The following MIPOL1 variants were observed in gnomAD, a reference collection of about 807,000 sequenced individuals.
MIPOL1 encodes the protein mirror-image polydactyly 1.
A neutral mutation model predicts 60.9 loss-of-function variants in MIPOL1; 57 were observed. That is an observed-to-expected ratio of 0.94 (90% CI 0.76 to 1.17). The LOEUF (loss-of-function observed/expected upper bound fraction) is 1.17, where lower values mean the gene tolerates loss of function less well. Ranked by LOEUF, MIPOL1 falls within the 50% of genes most tolerant of loss-of-function variation. The probability of loss-of-function intolerance (pLI) is 0.00; values close to 1 mark genes in which losing one functional copy is unlikely to be tolerated. For synonymous variants in MIPOL1, 179 were observed against 168.8 expected (o/e 1.06, Z -0.47); for missense variants, 551 against 511.6 (o/e 1.08, Z -0.74).
At chr14:37,332,073 G>A (rs2089738095) in intron 9 of MIPOL1, among the ~76,000 whole-genome samples, 3 of 152,236 alleles carry the variant, frequency 2.0e-5, no homozygotes, top group South Asian at 2.1e-4. Flanking sequence ...GGGAGGCGGA[G>A]GTTGTAGTGA....
chr14:37,373,836 A>G (rs1473329906), intron 10 of MIPOL1, among the ~76,000 whole-genome samples: 3 of 152,208 alleles, frequency 2.0e-5, no homozygotes, highest in African/African-American at 4.8e-5. Context: ...CAGTTCCACA[A>G]TAAACATAAG....
chr14:37,251,695 C>T lies in MIPOL1; in HGVS notation c.19+3788C>T, dbSNP rs146246094. On this transcript the variant is annotated intron_variant, in intron 3 of 12. Coordinates refer to ENST00000684589, the MANE Select transcript of MIPOL1 (RefSeq NM_001388067.1). The stretch of plus-strand genomic sequence containing the variant: ...TATGTAAGAAAAAAGACATAGAGAT[C>T]GTAAATCTTATATGAATAATTATTT... 5.0e-3 allele frequency among the ~76,000 whole-genome samples: 757 copies of T among 151,846 alleles called. 5 individuals are homozygous for T. Among genetic ancestry groups the T allele is most frequent in the African/African-American group, 0.017 (713 of 41,440 alleles).
chr14:37,483,097 T>G (rs954303484), intron 11 of MIPOL1, among the ~76,000 whole-genome samples: 11 of 149,978 alleles, frequency 7.3e-5, no homozygotes, highest in Admixed American at 5.4e-4. Flanking sequence ...TCTGCACATG[T>G]TCAGTATAGA....
At chr14:37,257,095 TTGTGTGTGTGTGTG>T (rs61079220) in intron 3 of MIPOL1, among the ~76,000 whole-genome samples, 5 of 137,708 alleles carry the variant, frequency 3.6e-5, no homozygotes, top group Non-Finnish European at 6.3e-5. Context: ...TGGTTTTGTT[TTGTGTGTGTGTGTG>T]TGTGTGTGTG....
At chr14:37,480,551 ATG>A (rs2153598211) in intron 11 of MIPOL1, among the ~76,000 whole-genome samples, 1 of 152,182 alleles carries the variant, frequency 6.6e-6, no homozygotes, top group South Asian at 2.1e-4. Flanking sequence ...TATAGAAAGA[ATG>A]TACCTCAATA....
In MIPOL1 at chr14:37,550,924, CTTT is replaced by C; in HGVS notation, c.*3957_*3959del. 6.6e-6 allele frequency: 1 copy of C among 151,886 alleles called. No homozygotes were observed. The highest frequency in any genetic ancestry group is 1.5e-5 in the Non-Finnish European group (1 of 67,928). The allele number at this position is 151,886 out of a possible 1,614,324, so 9.4% of individuals were successfully genotyped here. On this transcript the variant is annotated 3_prime_UTR_variant, in exon 13 of 13. Transcript: ENST00000684589. ...CTGAAATTAGAAAAAGAAAACTTTT[CTTT>C]TTTATTATATATTTTAGTGTAAGTT...
At chr14:37,302,475 G>A (rs552099231) in intron 7 of MIPOL1, among the ~76,000 whole-genome samples, 1 of 151,640 alleles carries the variant, frequency 6.6e-6, no homozygotes, top group Admixed American at 6.6e-5. Flanking sequence ...TTGTTTAAAA[G>A]AGTTGTTTAT....
chr14:37,287,479 C>G (rs910206356), intron 7 of MIPOL1, among the ~76,000 whole-genome samples: 1 of 152,046 alleles, frequency 6.6e-6, no homozygotes, highest in Non-Finnish European at 1.5e-5. Context: ...GTGTCAAACT[C>G]TGGGCCTCAT....
chr14:37,296,007 C>T (rs1346095517), intron 7 of MIPOL1, among the ~76,000 whole-genome samples: 1 of 152,094 alleles, frequency 6.6e-6, no homozygotes, highest in African/African-American at 2.4e-5. Context: ...ATACATTCTT[C>T]TCAGCACCAC....
intron 12 of MIPOL1, among the ~76,000 whole-genome samples, chr14:37,539,597 C>T (rs1289006846): frequency 6.6e-6 from 1 of 152,102 alleles, no homozygotes; most frequent in Non-Finnish European, 1.5e-5. Flanking sequence ...ATTTATTAAC[C>T]TATACAAAGC....
chr14:37,401,396 C>T (rs1428864750), intron 10 of MIPOL1: 1 of 151,992 alleles, frequency 6.6e-6, no homozygotes, highest in East Asian at 1.9e-4. Flanking sequence ...ATAGACATAT[C>T]TAGGCAAAAT....
intron 9 of MIPOL1, among the ~76,000 whole-genome samples, chr14:37,348,886 G>T (rs1595295326): frequency 6.8e-6 from 1 of 148,006 alleles, no homozygotes; most frequent in African/African-American, 2.5e-5. Context: ...GGAGAGCAGT[G>T]GCACGATCTC....
At chr14:37,232,586 A>G (rs1358823664) in intron 1 of MIPOL1, among the ~76,000 whole-genome samples, 1 of 151,946 alleles carries the variant, frequency 6.6e-6, no homozygotes, top group African/African-American at 2.4e-5. Context: ...GTCAACACAT[A>G]CTTGTACCTT....
At chr14:37,392,301 C>G (rs998390721) in intron 10 of MIPOL1, among the ~76,000 whole-genome samples, 1 of 152,070 alleles carries the variant, frequency 6.6e-6, no homozygotes, top group Non-Finnish European at 1.5e-5. Context: ...TGCATTTACA[C>G]CTAAGTATTT....
At chr14:37,422,120 A>G (rs1296118678) in intron 10 of MIPOL1, among the ~76,000 whole-genome samples, 1 of 152,076 alleles carries the variant, frequency 6.6e-6, no homozygotes, top group African/African-American at 2.4e-5. Flanking sequence ...TTGAAATCCT[A>G]TGGGAATGAT....
At chr14:37,248,005 G>A (rs1973444033) in intron 3 of MIPOL1, 98 bp downstream of exon 3, 2 of 1,244,802 alleles carry the variant, frequency 1.6e-6, no homozygotes, top group African/African-American at 1.5e-5. Context: ...ATTAGACAGA[G>A]GTAGACAAGT....
intron 12 of MIPOL1, among the ~76,000 whole-genome samples, chr14:37,527,166 AG>A (rs2095453186): frequency 6.6e-6 from 1 of 152,010 alleles, no homozygotes; most frequent in Non-Finnish European, 1.5e-5. Flanking sequence ...TAAATAAATT[AG>A]CTTTTTATTA....
intron 11 of MIPOL1, among the ~76,000 whole-genome samples, chr14:37,424,458 C>A (rs1040277640): frequency 2.4e-4 from 37 of 152,170 alleles, no homozygotes; most frequent in African/African-American, 8.9e-4. Flanking sequence ...TGGTAAACAC[C>A]AAACACTAGA....
At chr14:37,389,089 C>T (rs569847451) in intron 10 of MIPOL1, among the ~76,000 whole-genome samples, 9 of 151,962 alleles carry the variant, frequency 5.9e-5, no homozygotes, top group Admixed American at 3.3e-4. Context: ...TTACTGTGAC[C>T]AATGGAGTGA....
Sources: allele counts gnomAD v4.1 joint callset (sites outside exome capture counted in the v4.1 genomes callset), GRCh38; gene constraint gnomAD v4.1.1; transcripts MANE v1.5; gene names NCBI Gene and HGNC (gene_info 2026-07-23, HGNC 2026-07-21).